Variants in OC90 observed in about 807,000 individuals in gnomAD.
OC90 encodes the protein otoconin 90, also known as otoconin-90.
OC90 carries 46 observed loss-of-function variants against 47.3 expected under a neutral mutation model. The ratio of observed to expected loss-of-function variants is 0.97; its 90% CI spans 0.77 to 1.24. The LOEUF (loss-of-function observed/expected upper bound fraction) is 1.24. Ranked by LOEUF, OC90 falls within the 50% of genes most tolerant of loss-of-function variation. The probability of loss-of-function intolerance (pLI) is 0.00; values close to 1 mark genes in which losing one functional copy is unlikely to be tolerated. For missense variants in OC90, 688 were observed against 583.9 expected (o/e 1.18, Z -1.84); for synonymous variants, 271 against 219.5 (o/e 1.23, Z -2.07).
intron 2 of OC90, among the ~76,000 whole-genome samples, chr8:132,046,416 G>A (rs1362939320): frequency 1.3e-5 from 2 of 152,154 alleles, no homozygotes; most frequent in Non-Finnish European, 2.9e-5. Context: ...AGCAATTTTA[G>A]CAAGCTCCCC....
intron 5 of OC90, among the ~76,000 whole-genome samples, 172 bp downstream of exon 5, chr8:132,041,353 G>A (rs1330211195): frequency 1.3e-5 from 2 of 152,214 alleles, no homozygotes; most frequent in Admixed American, 6.5e-5. Context: ...GCTGATCACA[G>A]ATGACATTGC....
Position 132,034,844 on chromosome 8 carries a change from A to G in OC90, c.680-10T>C, listed in dbSNP as rs934695957. ...TGATCGTGGCCTGCTTCTGTTCCCCAAAGAAGAGAGACAGCATGAGCATCC... is the reference window on the plus strand; with the variant it reads ...TGATCGTGGCCTGCTTCTGTTCCCCGAAGAAGAGAGACAGCATGAGCATCC... On this transcript the variant is annotated splice_polypyrimidine_tract_variant and intron_variant, in intron 9 of 13. Transcript: ENST00000254627. 1 of 1,610,802 alleles carries G rather than the reference A, an allele frequency of 6.2e-7. No homozygotes were observed. The highest frequency in any genetic ancestry group is 8.5e-7 in the Non-Finnish European group (1 of 1,177,550).
rs920898471 is a variant in OC90 at position 132,026,533 on chromosome 8, T to G, written c.1139-1757A>C. Reference sequence around the variant, plus strand: ...GCCACTCTGTCCTTCCTCCCTGCATTTGTCTTATGATAGCACAGGCCAGGA... The same window carrying G: ...GCCACTCTGTCCTTCCTCCCTGCATGTGTCTTATGATAGCACAGGCCAGGA... On this transcript the variant is annotated intron_variant, in intron 13 of 13. Transcript: ENST00000254627. Among the ~76,000 whole-genome samples the G allele has an allele frequency of 3.9e-5, 6 of 152,190 alleles. No homozygotes were observed. In the East Asian group the frequency reaches 1.2e-3, roughly 29 times the overall value.
At chr8:132,025,528 T>C (rs1323690458) in intron 13 of OC90, among the ~76,000 whole-genome samples, 1 of 152,138 alleles carries the variant, frequency 6.6e-6, no homozygotes, top group African/African-American at 2.4e-5. Context: ...TGACCCTTCC[T>C]AGATACTGGC....
rs780255298 is a variant in OC90 at position 132,033,130 on chromosome 8, A to G, written c.768T>C (p.Ala256=). ...CAGCAGGGACAAGGGTTACAATTTT[A>G]GCTGTAACCCTTGTTGCAACTATCT... is the stretch of plus-strand genomic sequence containing the variant. The part of the protein sequence containing the change: ...SAEIVATRVT[A]KIVTLVPAGI... Residue 256 remains alanine (A), a synonymous_variant, in exon 11 of 14, where the codon GCT becomes GCC. Coordinates refer to ENST00000254627, the MANE Select transcript of OC90 (RefSeq NM_001080399.3). 1 of 1,607,598 alleles carries G rather than the reference A, an allele frequency of 6.2e-7. No individual in the cohort carries two copies. Among genetic ancestry groups the G allele is most frequent in the Non-Finnish European group, 8.5e-7 (1 of 1,176,914 alleles).
intron 4 of OC90, among the ~76,000 whole-genome samples, chr8:132,042,565 G>T (rs1348065720): frequency 1.3e-5 from 2 of 152,032 alleles, no homozygotes; most frequent in African/African-American, 4.8e-5. Flanking sequence ...AGCGTTTATT[G>T]TTCCCGTCTT....
At position 132,044,520 on chromosome 8, in the gene OC90, C is replaced by T. The variant is rs745478713; in HGVS notation, c.113-31G>A. The T allele has an allele frequency of 3.1e-6, 4 of 1,308,112 alleles. No individual in the cohort carries two copies. The South Asian group carries it at 3.8e-5, about 12-fold the overall frequency. The allele number at this position is 1,308,112 out of a possible 1,614,324, so 81.0% of individuals were successfully genotyped here. On this transcript the variant is annotated intron_variant, in intron 3 of 13. Transcript: ENST00000254627. ...TGTAAGAAAGAAAACAAATGAGAGT[C>T]TTGGTTTTTCCTTTTTTTCACTTCC...
At chr8:132,058,945 C>T (rs1240417537) in intron 1 of OC90, among the ~76,000 whole-genome samples, 2 of 152,080 alleles carry the variant, frequency 1.3e-5, no homozygotes, top group African/African-American at 4.8e-5. Context: ...GAGCAACATC[C>T]AGGTCTCAGA....
chr8:132,028,794 A>AG (rs1213304175), intron 13 of OC90, among the ~76,000 whole-genome samples: 5 of 81,382 alleles, frequency 6.1e-5, no homozygotes, highest in East Asian at 3.8e-4. Flanking sequence ...GGAAGAAAGA[A>AG]GAAGGAAAGA....
intron 11 of OC90, among the ~76,000 whole-genome samples, chr8:132,032,600 T>C (rs1349594628): frequency 1.3e-5 from 2 of 152,202 alleles, no homozygotes; most frequent in African/African-American, 4.8e-5. Flanking sequence ...CACACCCAGA[T>C]ACTAACAAAG....
At chr8:132,059,274 TG>T (rs1463796554) in intron 1 of OC90, 66 bp downstream of exon 1, 1 of 151,288 alleles carries the variant, frequency 6.6e-6, no homozygotes, top group Non-Finnish European at 1.5e-5. Context: ...CTTTACTTGC[TG>T]TCTTCCTCCC....
chr8:132,038,716 G>T, intron 8 of OC90, 74 bp downstream of exon 8: 1 of 1,146,464 alleles, frequency 8.7e-7, no homozygotes, highest in Non-Finnish European at 1.3e-6. Flanking sequence ...CCTGGTGGAG[G>T]AGGTGTATCC....
intron 9 of OC90, among the ~76,000 whole-genome samples, chr8:132,036,068 T>C (rs1822955091): frequency 6.6e-6 from 1 of 152,200 alleles, no homozygotes; most frequent in Non-Finnish European, 1.5e-5. Flanking sequence ...CTGATGAAAT[T>C]TTGGCCTAGA....
At chr8:132,038,663 AC>A in intron 8 of OC90, 126 bp downstream of exon 8, 2 of 751,160 alleles carry the variant, frequency 2.7e-6, no homozygotes, top group Admixed American at 2.1e-5. Context: ...AGAAGGCAGG[AC>A]CACTTCCAGT....
intron 12 of OC90, among the ~76,000 whole-genome samples, 177 bp downstream of exon 12, chr8:132,031,704 G>T (rs114106172): frequency 1.0e-3 from 152 of 152,302 alleles, no homozygotes; most frequent in African/African-American, 3.5e-3. Flanking sequence ...AGCCTCAGCT[G>T]CTCACCAGGA....
At chr8:132,041,454 T>C (rs538489304) in intron 5 of OC90, 71 bp downstream of exon 5, 1 of 1,393,766 alleles carries the variant, frequency 7.2e-7, no homozygotes, top group African/African-American at 1.4e-5. Context: ...TTTGTGCTCT[T>C]GCCAAGGTAT....
chr8:132,039,386 C>T (rs1430488688), intron 6 of OC90, among the ~76,000 whole-genome samples: 1 of 152,158 alleles, frequency 6.6e-6, no homozygotes, highest in Non-Finnish European at 1.5e-5. Flanking sequence ...CATCTCCACA[C>T]CTCCACTGTA....
intron 13 of OC90, among the ~76,000 whole-genome samples, chr8:132,028,701 AG>A (rs1181023406): frequency 5.5e-5 from 7 of 127,246 alleles, no homozygotes; most frequent in African/African-American, 8.7e-5. Flanking sequence ...AGAAAGAAAG[AG>A]AGACAGAAAG....
intron 12 of OC90, among the ~76,000 whole-genome samples, chr8:132,030,822 G>A (rs1822861922): frequency 6.6e-6 from 1 of 152,158 alleles, no homozygotes; most frequent in East Asian, 1.9e-4. Flanking sequence ...GTAGAGGCAG[G>A]GGAAAGAAAG....
Sources: allele counts gnomAD v4.1 joint callset (sites outside exome capture counted in the v4.1 genomes callset), GRCh38; gene constraint gnomAD v4.1.1; transcripts MANE v1.5; gene names NCBI Gene and HGNC (gene_info 2026-07-23, HGNC 2026-07-21).